SWAP70: variants seen among roughly 807,000 people sequenced by gnomAD.
SWAP70 encodes switch-associated protein 70.
SWAP70 carries 34 observed loss-of-function variants against 80.2 expected under a neutral mutation model. The observed-to-expected ratio is 0.42, with a 90% CI of 0.32 to 0.56. The LOEUF is 0.56. Ranked by LOEUF, SWAP70 falls within the 20% of genes least tolerant of loss-of-function variation. The pLI, the probability that SWAP70 is intolerant of heterozygous loss-of-function variation, is 0.09. For missense variants in SWAP70, 578 were observed against 690.7 expected (o/e 0.84, Z 1.83); for synonymous variants, 239 against 238.5 (o/e 1.00, Z -0.02).
rs1210049247 is a variant in SWAP70, at chr11:9,709,924, ATAAAG to A, written c.241-3538_241-3534del. Among the ~76,000 whole-genome samples the A allele has an allele frequency of 4.5e-4, 69 of 152,374 alleles. 1 individual carries two copies. The highest frequency in any genetic ancestry group is 1.5e-3 in the African/African-American group (62 of 41,594). ...TGTATTATGTGCAGTTATTCTTATG[ATAAAG>A]TAATCTAGAGAAAAGAAAATGTTAT... On this transcript the variant is annotated intron_variant, in intron 2 of 11. Transcript: ENST00000318950.
intron 2 of SWAP70, among the ~76,000 whole-genome samples, chr11:9,696,662 A>T (rs988321778): frequency 8.5e-5 from 13 of 152,156 alleles, no homozygotes; most frequent in Non-Finnish European, 8.8e-5. Context: ...TTATTTTTTT[A>T]ATTGAACAAT....
intron 1 of SWAP70, among the ~76,000 whole-genome samples, chr11:9,686,317 G>A (rs1254324602): frequency 2.9e-5 from 4 of 136,408 alleles, no homozygotes; most frequent in Non-Finnish European, 4.9e-5. Flanking sequence ...GTCATATTCT[G>A]TATCCTTTCG....
At chr11:9,725,038 C>A in intron 4 of SWAP70, 153 bp downstream of exon 4, 2 of 617,606 alleles carry the variant, frequency 3.2e-6, no homozygotes, top group South Asian at 2.1e-5. Flanking sequence ...CTTGCTCTGT[C>A]GCCCAGTCTG....
rs375575942 is a variant in SWAP70 at position 9,724,888 on chromosome 11, A to G, written c.642+3A>G. On this transcript the variant is annotated splice_donor_region_variant and intron_variant, in intron 4 of 11. Coordinates refer to ENST00000318950, the MANE Select transcript of SWAP70 (RefSeq NM_015055.4). ...TTATATTAGATGTGTTAAAGCAGGT[A>G]AGAATTCTGTTACTGTTTTTTTTTC... 4.5e-6 allele frequency: 7 copies of G among 1,545,436 alleles called. No individual in the cohort carries two copies. The highest frequency in any genetic ancestry group is 6.2e-6 in the Non-Finnish European group (7 of 1,131,218).
intron 3 of SWAP70, among the ~76,000 whole-genome samples, chr11:9,717,024 G>T (rs368320110): frequency 2.6e-5 from 4 of 152,186 alleles, no homozygotes; most frequent in Admixed American, 2.6e-4. Context: ...ACTGGCATTA[G>T]ATGCTATGGA....
chr11:9,683,134 G>T (rs1377167891), intron 1 of SWAP70, among the ~76,000 whole-genome samples: 3 of 152,154 alleles, frequency 2.0e-5, no homozygotes, highest in East Asian at 3.8e-4. Flanking sequence ...GTACGCTGGC[G>T]CATGCCTGTA....
intron 1 of SWAP70, among the ~76,000 whole-genome samples, chr11:9,679,710 C>G (rs1045841883): frequency 6.6e-6 from 1 of 151,926 alleles, no homozygotes; most frequent in Non-Finnish European, 1.5e-5. Context: ...GCTCTGTTGC[C>G]CAGGCTGGAG....
At chr11:9,718,030 A>G (rs544206865) in intron 3 of SWAP70, among the ~76,000 whole-genome samples, 17 of 152,368 alleles carry the variant, frequency 1.1e-4, no homozygotes, top group African/African-American at 3.8e-4. Context: ...TGGGACCCAC[A>G]TGGGCCTTGA....
chr11:9,667,869 C>A (rs983359574), intron 1 of SWAP70, among the ~76,000 whole-genome samples: 2 of 152,142 alleles, frequency 1.3e-5, no homozygotes, highest in African/African-American at 4.8e-5. Flanking sequence ...CCTATTTTCA[C>A]ACTTTATTAC....
At chr11:9,675,328 AGAGAGAGAGAGAGGGAGC>A (rs1447039627) in intron 1 of SWAP70, among the ~76,000 whole-genome samples, 965 of 75,886 alleles carry the variant, frequency 0.013, 373 homozygotes, top group Admixed American at 0.034. Context: ...AGCGAGAGAG[AGAGAGAGAGAGAGGGAGC>A]GAGAGAGAGA....
At chr11:9,740,470 G>A (rs554744810) in intron 9 of SWAP70, 123 bp downstream of exon 9, 9 of 996,888 alleles carry the variant, frequency 9.0e-6, no homozygotes, top group African/African-American at 3.2e-5. Flanking sequence ...GACTGAGCTC[G>A]AGGTGCTGTC....
At chr11:9,698,719 T>C (rs1349857808) in intron 2 of SWAP70, among the ~76,000 whole-genome samples, 2 of 152,166 alleles carry the variant, frequency 1.3e-5, no homozygotes, top group African/African-American at 4.8e-5. Context: ...TGCATGTTTT[T>C]AAAGAATTTC....
intron 2 of SWAP70, among the ~76,000 whole-genome samples, chr11:9,704,624 C>T (rs1850876360): frequency 1.3e-5 from 2 of 152,134 alleles, no homozygotes; most frequent in Non-Finnish European, 2.9e-5. Flanking sequence ...GACTCCTGGC[C>T]TCAAGTCATC....
chr11:9,688,000 G>A (rs1850653209), intron 1 of SWAP70, among the ~76,000 whole-genome samples: 1 of 152,192 alleles, frequency 6.6e-6, no homozygotes, highest in Non-Finnish European at 1.5e-5. Flanking sequence ...GCATCACTGT[G>A]GGACAGAGAG....
intron 3 of SWAP70, among the ~76,000 whole-genome samples, chr11:9,722,003 A>G (rs414109): frequency 0.33 from 49,761 of 152,114 alleles, 8,369 homozygotes; most frequent in Non-Finnish European, 0.35. Flanking sequence ...TGCAGTAGAA[A>G]TAATAGGTAA....
intron 3 of SWAP70, among the ~76,000 whole-genome samples, chr11:9,721,406 A>G (rs1306384553): frequency 2.0e-5 from 3 of 152,012 alleles, no homozygotes; most frequent in Admixed American, 6.6e-5. Flanking sequence ...TCTTTGTCCT[A>G]AAAGAGCTTA....
chr11:9,740,013 G>T (rs1199483117), intron 8 of SWAP70, among the ~76,000 whole-genome samples, 168 bp from the exon 9 acceptor site: 1 of 152,150 alleles, frequency 6.6e-6, no homozygotes, highest in African/African-American at 2.4e-5. Context: ...TTGCGATTGG[G>T]TGTGGTACCC....
intron 3 of SWAP70, among the ~76,000 whole-genome samples, chr11:9,719,220 C>T (rs1024304142): frequency 1.3e-5 from 2 of 151,666 alleles, no homozygotes; most frequent in East Asian, 1.9e-4. Context: ...GCCTGGGCAA[C>T]ATGGTGAAAC....
chr11:9,713,444 G>C (rs1195495171), intron 2 of SWAP70, 22 bp from the exon 3 acceptor site: 3 of 1,600,884 alleles, frequency 1.9e-6, no homozygotes, highest in South Asian at 2.2e-5. Context: ...ATTTGTTGGA[G>C]TTTTTCCTTA....
Sources: gnomAD v4.1 joint callset for allele counts (sites outside exome capture counted in the v4.1 genomes callset) on GRCh38, gnomAD v4.1.1 for gene constraint, MANE v1.5 for transcripts, NCBI Gene and HGNC (gene_info 2026-07-23, HGNC 2026-07-21) for gene names.